IARS1: variants seen among roughly 807,000 people sequenced by gnomAD.
IARS1 encodes isoleucine--tRNA ligase, cytoplasmic.
A neutral mutation model predicts 168.2 loss-of-function variants in IARS1; 124 were observed. The ratio of observed to expected loss-of-function variants is 0.74; its 90% CI spans 0.64 to 0.86. The LOEUF is 0.86. Ranked by LOEUF, IARS1 falls within the 40% of genes least tolerant of loss-of-function variation. The pLI, the probability that IARS1 is intolerant of heterozygous loss-of-function variation, is 0.00. For missense variants in IARS1, 1,452 were observed against 1,515.8 expected (o/e 0.96, Z 0.70); for synonymous variants, 532 against 529.4 (o/e 1.00, Z -0.07).
chr9:92,251,980 A>T (rs1269092438), intron 21 of IARS1, 95 bp from the exon 22 acceptor site: 1 of 871,162 alleles, frequency 1.1e-6, no homozygotes, highest in Non-Finnish European at 1.9e-6. Context: ...TCTTCAAAGA[A>T]CATGCAGCAT....
At chr9:92,222,147 G>A (rs773348916) in intron 33 of IARS1, among the ~76,000 whole-genome samples, 10 of 148,150 alleles carry the variant, frequency 6.7e-5, no homozygotes, top group East Asian at 2.0e-4. Context: ...GTGAAACCCC[G>A]TCTCTACTAA....
chr9:92,244,899 C>T (rs1587776035), intron 27 of IARS1, 60 bp downstream of exon 27: 2 of 1,366,906 alleles, frequency 1.5e-6, no homozygotes, highest in East Asian at 4.6e-5. Context: ...CAGGCAAATA[C>T]TTTCTCCTCT....
At chr9:92,280,107 G>A (rs538914125) in intron 7 of IARS1, among the ~76,000 whole-genome samples, 1 of 152,312 alleles carries the variant, frequency 6.6e-6, no homozygotes, top group South Asian at 2.1e-4. Context: ...GAACACGGGT[G>A]TACAAGTAAC....
chr9:92,230,754 T>C (rs1295256121), intron 30 of IARS1, among the ~76,000 whole-genome samples: 1 of 152,336 alleles, frequency 6.6e-6, no homozygotes, highest in East Asian at 1.9e-4. Context: ...AGATACAGCA[T>C]TTGGTGCTGT....
chr9:92,227,757 T>C (rs1825979663), intron 31 of IARS1, among the ~76,000 whole-genome samples: 1 of 148,896 alleles, frequency 6.7e-6, no homozygotes, highest in African/African-American at 2.5e-5. Context: ...GCAGAGACGC[T>C]CCTCACTTCC....
At chr9:92,276,370 G>A (rs1305741928) in intron 9 of IARS1, among the ~76,000 whole-genome samples, 1 of 152,186 alleles carries the variant, frequency 6.6e-6, no homozygotes, top group Non-Finnish European at 1.5e-5. Context: ...AATGTGGGAG[G>A]ATGTGGTCAG....
At chr9:92,285,595 T>C in intron 6 of IARS1, 127 bp downstream of exon 6, 1 of 623,926 alleles carries the variant, frequency 1.6e-6, no homozygotes, top group Non-Finnish European at 3.0e-6. Flanking sequence ...TAAGAAGTGG[T>C]CAAAGTGGTG....
rs757100863 is a variant in IARS1 at position 92,293,099 on chromosome 9, G to T, written c.-8+512C>A. On this transcript the variant is annotated intron_variant, in intron 1 of 33. Coordinates refer to ENST00000443024, the MANE Select transcript of IARS1 (RefSeq NM_002161.6). ...TTCTCAGGTCTTCATAATCTATTAA[G>T]TCAAATGTAACCTGAAAGTGGGACC... Among the ~76,000 whole-genome samples the T allele has an allele frequency of 2.8e-4, 42 of 152,112 alleles. 1 individual carries two copies. Among genetic ancestry groups the T allele is most frequent in the Non-Finnish European group, 7.3e-5 (5 of 68,030 alleles).
In IARS1 at chr9:92,262,997, C is replaced by T. The variant is rs761214911; in HGVS notation, c.1759G>A (p.Val587Ile). The T allele has an allele frequency of 1.2e-5, 20 of 1,613,858 alleles. No homozygotes were observed. Among genetic ancestry groups the T allele is most frequent in the Admixed American group, 3.3e-5 (2 of 59,998 alleles). Residue 587 changes from valine (V) to isoleucine (I), a missense_variant, in exon 17 of 34, where the codon GTA (valine) becomes ATA (isoleucine). Val to Ile is a conservative substitution (Grantham distance 29, BLOSUM62 3). Transcript: ENST00000443024. ...GCCAGGACAAGCCCATTCACAATTA[C>T]GTTCTTGAAAGGCGGTTGTCCAAAG... The part of the protein sequence containing the change: ...ALFGQPPFKN[V>I]IVNGLVLASD...
chr9:92,257,200 A>C (rs568844785), intron 19 of IARS1, among the ~76,000 whole-genome samples: 1 of 152,356 alleles, frequency 6.6e-6, no homozygotes, highest in African/African-American at 2.4e-5. Flanking sequence ...AATAATTTCC[A>C]TGCTAAGGCT....
At chr9:92,260,930 A>G (rs1831436235) in intron 17 of IARS1, among the ~76,000 whole-genome samples, 2 of 152,234 alleles carry the variant, frequency 1.3e-5, no homozygotes, top group Admixed American at 1.3e-4. Context: ...TGGCATACCC[A>G]TAATACAGAA....
intron 23 of IARS1, 142 bp downstream of exon 23, chr9:92,250,571 C>A: frequency 1.1e-6 from 1 of 924,858 alleles, no homozygotes; most frequent in Non-Finnish European, 1.6e-6. Flanking sequence ...CCCCATCCTG[C>A]AGCCTGAGGA....
intron 1 of IARS1, 100 bp from the exon 2 acceptor site, chr9:92,289,526 T>A (rs939831220): frequency 3.0e-6 from 2 of 673,268 alleles, no homozygotes; most frequent in African/African-American, 1.8e-5. Context: ...TCCATACTTT[T>A]AAAAAATTAC....
rs777875044 is a variant in IARS1, at chr9:92,263,040, C to T, written c.1716G>A (p.Leu572=). 6.2e-7 allele frequency: 1 copy of T among 1,613,718 alleles called. No homozygotes were observed. ...GTCCAAAGAGGGCCGTGGCCAGCAC[C>T]AGCAGGGTATAAAACCTGAAAAAAA... is the stretch of plus-strand genomic sequence containing the variant. ...DQTRGWFYTL[L]VLATALFGQP... is the part of the protein sequence containing the mutation. The change falls in exon 17 of 34, where the codon CTG becomes CTA. Residue 572 remains leucine, a synonymous_variant. Coordinates refer to ENST00000443024, the MANE Select transcript of IARS1 (RefSeq NM_002161.6).
chr9:92,276,006 T>TTGAG (rs1413812158), intron 9 of IARS1, among the ~76,000 whole-genome samples: 2 of 152,042 alleles, frequency 1.3e-5, no homozygotes, highest in African/African-American at 2.4e-5. Flanking sequence ...TTTCAGGGGG[T>TTGAG]TGAGTTTTTG....
intron 31 of IARS1, 104 bp from the exon 32 acceptor site, chr9:92,223,593 C>T (rs773435386): frequency 3.7e-4 from 324 of 884,286 alleles, no homozygotes; most frequent in Non-Finnish European, 4.6e-4. Flanking sequence ...TACGATAATG[C>T]TTTCCACTTA....
intron 21 of IARS1, chr9:92,252,279 T>C (rs1393572747): frequency 2.2e-6 from 1 of 449,468 alleles, no homozygotes; most frequent in Non-Finnish European, 4.4e-6. Flanking sequence ...AAGTATATAA[T>C]GTGTATTAAA....
chr9:92,292,982 A>G (rs1836620005), intron 1 of IARS1, among the ~76,000 whole-genome samples: 1 of 152,152 alleles, frequency 6.6e-6, no homozygotes, highest in Non-Finnish European at 1.5e-5. Flanking sequence ...CACACAACCA[A>G]TTAATCATCA....
intron 33 of IARS1, among the ~76,000 whole-genome samples, chr9:92,217,043 T>C (rs1838825734): frequency 6.7e-6 from 1 of 148,554 alleles, no homozygotes; most frequent in South Asian, 2.2e-4. Flanking sequence ...CCTCAGCAAA[T>C]GTAAAAGAAC....
Sources: gnomAD v4.1 joint callset for allele counts (sites outside exome capture counted in the v4.1 genomes callset) on GRCh38, gnomAD v4.1.1 for gene constraint, MANE v1.5 for transcripts, NCBI Gene and HGNC (gene_info 2026-07-23, HGNC 2026-07-21) for gene names.